SLC26A6: variants seen among roughly 807,000 people sequenced by gnomAD.
SLC26A6 encodes solute carrier family 26 member 6.
SLC26A6 carries 67 observed loss-of-function variants against 87.1 expected under a neutral mutation model. The ratio of observed to expected loss-of-function variants is 0.77; its 90% CI spans 0.63 to 0.94. The LOEUF is 0.94. Ranked by LOEUF, SLC26A6 falls within the 40% of genes least tolerant of loss-of-function variation. SLC26A6 has a pLI of 0.00. For synonymous variants in SLC26A6, 414 were observed against 405.9 expected (o/e 1.02, Z -0.24); for missense variants, 902 against 973.0 (o/e 0.93, Z 0.97).
Position 48,629,863 on chromosome 3 carries a change from C to T in SLC26A6, c.1529+9G>A, listed in dbSNP as rs766720705. The stretch of plus-strand genomic sequence containing the variant: ...AGCTGGAATGAGGGGACCAACATGG[C>T]GGACTCACATCTGTGTCCGGACCAC... On this transcript the variant is annotated intron_variant, in intron 13 of 20. Coordinates refer to ENST00000395550, the MANE Select transcript of SLC26A6 (RefSeq NM_022911.3). 4 of 1,614,046 alleles carry T rather than the reference C, an allele frequency of 2.5e-6. No individual in the cohort carries two copies. Among genetic ancestry groups the T allele is most frequent in the Admixed American group, 1.7e-5 (1 of 60,026 alleles).
In SLC26A6 at chr3:48,629,498, A is replaced by G. The variant is rs993544956; in HGVS notation, c.1599+144T>C. 1.3e-5 allele frequency: 11 copies of G among 860,396 alleles called. No homozygotes were observed. The African/African-American group carries it at 1.9e-4, about 15-fold the overall frequency. 53.3% of individuals were successfully genotyped at this position (860,396 alleles called of 1,614,324 possible). On this transcript the variant is annotated intron_variant, in intron 14 of 20. Transcript: ENST00000395550. ...TACCTCTAGAGGGGGTCATAGACCT[A>G]AACTCCTCCCTTGAAATCCCAAAGA...
intron 9 of SLC26A6, 68 bp downstream of exon 9, chr3:48,630,925 C>T: frequency 1.9e-6 from 3 of 1,590,406 alleles, no homozygotes; most frequent in Admixed American, 3.4e-5. Context: ...CCCACCGGTT[C>T]CTCCCCCACC....
Position 48,631,630 on chromosome 3 carries a change from C to T in SLC26A6, c.903+19G>A, listed in dbSNP as rs779898049. On this transcript the variant is annotated intron_variant, in intron 7 of 20. Transcript: ENST00000395550. ...TGACCTGCCCTTCTCCCCTGCCCTC[C>T]ACTCCCTGGCCCTCGAACCGTGAGC... is the stretch of plus-strand genomic sequence containing the variant. 3.4e-5 allele frequency: 54 copies of T among 1,609,640 alleles called. No homozygotes were observed. The Admixed American group carries it at 4.3e-4, about 13-fold the overall frequency.
rs1002896146 is a variant in SLC26A6, at chr3:48,630,115, G to A, written c.1369C>T (p.Leu457=). The A allele has an allele frequency of 2.5e-6, 4 of 1,611,412 alleles. No homozygotes were observed. The South Asian group carries it at 3.3e-5, about 13-fold the overall frequency. ...AIIIVNLKGM[L]RQLSDMRSLW... Reference sequence around the variant, plus strand: ...GAGCGCATGTCGCTGAGCTGCCTCAGCATGCCCTTCAGGTTCACAATGATG... The same window carrying A: ...GAGCGCATGTCGCTGAGCTGCCTCAACATGCCCTTCAGGTTCACAATGATG... Residue 457 remains leucine (L), a synonymous_variant, in exon 12 of 21, where the codon CTG becomes TTG. Coordinates refer to ENST00000395550, the MANE Select transcript of SLC26A6 (RefSeq NM_022911.3).
intron 9 of SLC26A6, 45 bp downstream of exon 9, chr3:48,630,948 C>T (rs1188880960): frequency 6.2e-7 from 1 of 1,605,480 alleles, no homozygotes; most frequent in Non-Finnish European, 8.5e-7. Context: ...TTGCTGGCGC[C>T]TCCATACACT....
intron 4 of SLC26A6, 74 bp from the exon 5 acceptor site, chr3:48,632,470 G>C (rs2046832499): frequency 2.6e-6 from 4 of 1,537,732 alleles, no homozygotes; most frequent in African/African-American, 2.7e-5. Flanking sequence ...TCTTAAGAGA[G>C]AGGCCAGGAG....
At chr3:48,630,786 C>T in intron 9 of SLC26A6, 66 bp from the exon 10 acceptor site, 1 of 1,533,068 alleles carries the variant, frequency 6.5e-7, no homozygotes, top group South Asian at 1.2e-5. Context: ...TCCACTGTAT[C>T]TAGGCCTGTG....
chr3:48,633,187 T>C (rs544974086), intron 3 of SLC26A6, 64 bp downstream of exon 3: 7 of 1,592,300 alleles, frequency 4.4e-6, no homozygotes, highest in Middle Eastern at 1.7e-4. Flanking sequence ...GTAGAGGTCA[T>C]GGCCCCAGTT....
In SLC26A6 at chr3:48,629,702, G is replaced by C. The variant is rs1228065718; in HGVS notation, c.1539C>G (p.Tyr513Ter). 1 of 1,613,548 alleles carries C rather than the reference G, an allele frequency of 6.2e-7. No individual in the cohort carries two copies. The highest frequency in any genetic ancestry group is 1.3e-5 in the African/African-American group (1 of 74,896). Reference sequence around the variant, plus strand: ...TGTCTGGCACCTGCCCCAGGACAGAGTAGTGGGGCCTGTGAAGGAGAGAGA... The same window carrying C: ...TGTCTGGCACCTGCCCCAGGACAGACTAGTGGGGCCTGTGAAGGAGAGAGA... ...LVVVRTQMPH[Y>*]SVLGQVPDTD... The change falls in exon 14 of 21, where the codon TAC becomes TAG. Residue 513 changes from tyrosine to a stop codon, truncating the protein, a stop_gained. Transcript: ENST00000395550. LOFTEE classifies it high-confidence loss of function.
At position 48,631,883 on chromosome 3, in the gene SLC26A6, G is replaced by A. The variant is rs749487401; in HGVS notation, c.747C>T (p.Ile249=). ...CCCTCCCCCTACCCTCACTCACATA[G>A]ATGAGGGACAGTGGCCCAGAGTGGC... ...LSSHSGPLSL[I]YTVLEVCWKL... Residue 249 remains isoleucine (I), a synonymous_variant, in exon 6 of 21, where the codon ATC becomes ATT. Coordinates refer to ENST00000395550, the MANE Select transcript of SLC26A6 (RefSeq NM_022911.3). 6.2e-7 allele frequency: 1 copy of A among 1,613,636 alleles called. No individual in the cohort carries two copies. The highest frequency in any genetic ancestry group is 1.3e-5 in the African/African-American group (1 of 75,044).
rs1393121556 is a variant in SLC26A6, at chr3:48,630,346, C to T, written c.1326+92G>A. On this transcript the variant is annotated intron_variant, in intron 11 of 20. Coordinates refer to ENST00000395550, the MANE Select transcript of SLC26A6 (RefSeq NM_022911.3). ...TCAGCCTTGAAAAACAGAACCTAACCTTGTGTCCCCACCCCTCGCCTGAAC... is the reference window on the plus strand; with the variant it reads ...TCAGCCTTGAAAAACAGAACCTAACTTTGTGTCCCCACCCCTCGCCTGAAC... The T allele has an allele frequency of 7.1e-6, 10 of 1,417,816 alleles. No homozygotes were observed. In the African/African-American group the frequency reaches 1.4e-4, roughly 20 times the overall value. The allele number at this position is 1,417,816 out of a possible 1,614,324, so 87.8% of individuals were successfully genotyped here.
In SLC26A6 at chr3:48,628,485, C is replaced by A; in HGVS notation, c.1749G>T (p.Gln583His). Residue 583 changes from glutamine to histidine, a missense_variant, in exon 16 of 21, where the codon CAG becomes CAT. By Grantham distance (24) the Gln-to-His change is conservative. Coordinates refer to ENST00000395550, the MANE Select transcript of SLC26A6 (RefSeq NM_022911.3). This position sits in a 1 kb window ranked among gnomAD's most constrained non-coding sequence, Gnocchi z 4.4. Reference sequence around the variant, plus strand: ...GCAGTTGCTTCAGCTTCAGCTGCTCCTGCTTCTTGAGCAGTTTCTTCTTCT... The same window carrying A: ...GCAGTTGCTTCAGCTTCAGCTGCTCATGCTTCTTGAGCAGTTTCTTCTTCT... Reference protein sequence around the residue: ...ISQKKKLLKKQEQLKLKQLQK... With the variant: ...ISQKKKLLKKHEQLKLKQLQK... 1 of 1,614,134 alleles carries A rather than the reference C, an allele frequency of 6.2e-7. No homozygotes were observed. The highest frequency in any genetic ancestry group is 1.1e-5 in the South Asian group (1 of 91,082).
intron 1 of SLC26A6, chr3:48,633,945 G>A (rs2046883945): frequency 2.7e-6 from 3 of 1,116,686 alleles, no homozygotes; most frequent in South Asian, 2.1e-5. Context: ...ACCAGTCCAG[G>A]TCCCAGGCTG....
Position 48,630,632 on chromosome 3 carries a change from T to C in SLC26A6, c.1223A>G (p.Gln408Arg). 1 of 1,590,568 alleles carries C rather than the reference T, an allele frequency of 6.3e-7. No homozygotes were observed. The highest frequency in any genetic ancestry group is 8.6e-7 in the Non-Finnish European group (1 of 1,167,036). Residue 408 changes from glutamine (Q) to arginine (R), a missense_variant, in exon 10 of 21, where the codon CAG (glutamine) becomes CGG (arginine). Gln to Arg is a conservative substitution (Grantham distance 43). Transcript: ENST00000395550. ...CTGCGAGTTGCCCCCGGTGCTCTCCTGTACCAGGCTCCGAGACATAGAGCA... is the reference window on the plus strand; with the variant it reads ...CTGCGAGTTGCCCCCGGTGCTCTCCCGTACCAGGCTCCGAGACATAGAGCA... ...VSCSMSRSLV[Q>R]ESTGGNSQVA...
rs2046844229 is a variant in SLC26A6 at position 48,632,853 on chromosome 3, G to A, written c.433+121C>T. The A allele has an allele frequency of 1.4e-5, 14 of 988,536 alleles. No homozygotes were observed. The South Asian group carries it at 1.8e-4, about 12-fold the overall frequency. The allele number at this position is 988,536 out of a possible 1,614,324, so 61.2% of individuals were successfully genotyped here. A position where few individuals can be genotyped will look rare whatever the true frequency, so the allele number is the denominator to read the frequency against. ...GGGGATGACTCGTGGGCTAGCCCAG[G>A]GATGCAGCACCAATGCTGCCCTCTT... On this transcript the variant is annotated intron_variant, in intron 4 of 20. Transcript: ENST00000395550.
chr3:48,631,454 C>G, intron 7 of SLC26A6, 148 bp from the exon 8 acceptor site: 2 of 1,117,904 alleles, frequency 1.8e-6, no homozygotes, highest in Non-Finnish European at 2.5e-6. Flanking sequence ...CAGGCAACAC[C>G]ATTTCGGCTA....
chr3:48,633,309 G>C lies in SLC26A6; in HGVS notation c.264C>G (p.Asp88Glu), dbSNP rs769875358. The part of the protein sequence containing the change: ...LVWLPRYPVR[D>E]WLLGDLLSGL... ...CGGATAACAGGTCACCCAGGAGCCA[G>C]TCACGCACAGGATACCGGGGTAACC... The change falls in exon 3 of 21, where the codon GAC (aspartate) becomes GAG (glutamate). Residue 88 changes from aspartate (D) to glutamate (E), a missense_variant. Physicochemically the swap from Asp to Glu is conservative, Grantham distance 45. This residue lies in a region of SLC26A6 where 800 missense variants were observed against 856.8 expected (regional missense o/e 0.93). Coordinates refer to ENST00000395550, the MANE Select transcript of SLC26A6 (RefSeq NM_022911.3). 6.2e-7 allele frequency: 1 copy of C among 1,613,644 alleles called. No individual in the cohort carries two copies. Among genetic ancestry groups the C allele is most frequent in the Non-Finnish European group, 8.5e-7 (1 of 1,180,026 alleles).
At position 48,633,282 on chromosome 3, in the gene SLC26A6, G is replaced by A. The variant is rs1476424778; in HGVS notation, c.291C>T (p.Gly97=). The A allele has an allele frequency of 1.2e-6, 2 of 1,613,412 alleles. No homozygotes were observed. The highest frequency in any genetic ancestry group is 2.7e-5 in the African/African-American group (2 of 75,072). ...RDWLLGDLLS[G]LSVAIMQLPQ... is the part of the protein sequence containing the mutation. ...GAAGCTGCATGATGGCCACACTCAG[G>A]CCGGATAACAGGTCACCCAGGAGCC... Residue 97 remains glycine, a synonymous_variant, in exon 3 of 21, where the codon GGC becomes GGT. Transcript: ENST00000395550.
chr3:48,632,177 A>T, intron 5 of SLC26A6, 68 bp downstream of exon 5: 1 of 1,575,068 alleles, frequency 6.3e-7, no homozygotes, highest in African/African-American at 1.3e-5. Flanking sequence ...CACTCAGGGG[A>T]GTACAGACAG....
Sources: gnomAD v4.1 joint callset for allele counts on GRCh38, gnomAD v4.1.1 for gene constraint, gnomAD v4.1.1 regional missense constraint, Gnocchi (gnomAD v3.1) non-coding constraint, MANE v1.5 for transcripts, NCBI Gene and HGNC (gene_info 2026-07-23, HGNC 2026-07-21) for gene names.